CHRNA1: variants seen among roughly 807,000 people sequenced by gnomAD.
CHRNA1 encodes cholinergic receptor nicotinic alpha 1 subunit.
CHRNA1 carries 35 observed loss-of-function variants against 47.1 expected under a neutral mutation model. The observed-to-expected ratio is 0.74, with a 90% CI of 0.57 to 0.99. CHRNA1 has a LOEUF of 0.99. Ranked by LOEUF, CHRNA1 falls within the 50% of genes least tolerant of loss-of-function variation. The pLI, the probability that CHRNA1 is intolerant of heterozygous loss-of-function variation, is 0.00. For missense variants in CHRNA1, 506 were observed against 591.1 expected (o/e 0.86, Z 1.49); for synonymous variants, 229 against 223.6 (o/e 1.02, Z -0.22).
intron 6 of CHRNA1, among the ~76,000 whole-genome samples, chr2:174,751,070 A>ATC (rs1248428316): frequency 3.2e-4 from 49 of 152,318 alleles, no homozygotes; most frequent in Admixed American, 9.8e-4. Flanking sequence ...TGATCTTCTG[A>ATC]TACAGTGGTT....
chr2:174,748,784 G>GA lies in CHRNA1; in HGVS notation c.1037dup (p.Ser347LeufsTer21). 2 of 1,614,094 alleles carry GA rather than the reference G, an allele frequency of 1.2e-6. No homozygotes were observed. Among genetic ancestry groups the GA allele is most frequent in the South Asian group, 1.1e-5 (1 of 91,068 alleles). ...CTCTGGATGGTCTTTTCATTGTGGA[G>GA]AAAAACATGATATTTGGGATAGTGT... On this transcript the variant is annotated frameshift_variant, in exon 8 of 9. Coordinates refer to ENST00000348749, the MANE Select transcript of CHRNA1 (RefSeq NM_000079.4). LOFTEE classifies it high-confidence loss of function.
In CHRNA1 at chr2:174,747,874, T is replaced by C. The variant is rs1266896548; in HGVS notation, c.*250A>G. ...TTCCAGACACTGGAAATGAACACTT[T>C]TTTTAGTGATTAGTTTCATTTACTA... is the stretch of plus-strand genomic sequence containing the variant. On this transcript the variant is annotated 3_prime_UTR_variant, in exon 9 of 9. Coordinates refer to ENST00000348749, the MANE Select transcript of CHRNA1 (RefSeq NM_000079.4). The C allele has an allele frequency of 2.1e-6, 1 of 472,200 alleles. No homozygotes were observed. Among genetic ancestry groups the C allele is most frequent in the Non-Finnish European group, 3.8e-6 (1 of 260,458 alleles). The allele number at this position is 472,200 out of a possible 1,614,324, so 29.3% of individuals were successfully genotyped here.
At chr2:174,764,274 C>T (rs1203592094) in intron 1 of CHRNA1, 78 bp downstream of exon 1, 1 of 1,469,472 alleles carries the variant, frequency 6.8e-7, no homozygotes, top group Non-Finnish European at 9.4e-7. Context: ...ATCAAAGAAG[C>T]AAGACTTTGA....
intron 4 of CHRNA1, among the ~76,000 whole-genome samples, chr2:174,756,279 GTGTTAGAATAAGTGTTGAATGGGCAGGA>G (rs1553469605): frequency 1.3e-5 from 2 of 152,176 alleles, no homozygotes; most frequent in Non-Finnish European, 1.5e-5. Flanking sequence ...AGAGGGCAGG[GTGTTAGAATAAGTGTTGAATGGGCAGGA>G]TGAGGTCTGT....
At position 174,747,787 on chromosome 2, in the gene CHRNA1, A is replaced by G; in HGVS notation, c.*337T>C. 1 of 325,818 alleles carries G rather than the reference A, an allele frequency of 3.1e-6. No individual in the cohort carries two copies. Among genetic ancestry groups the G allele is most frequent in the East Asian group, 7.8e-5 (1 of 12,832 alleles). The allele number at this position is 325,818 out of a possible 1,614,324, so 20.2% of individuals were successfully genotyped here. A position where few individuals can be genotyped will look rare whatever the true frequency, so the allele number is the denominator to read the frequency against. ...TCTCGTGGTTAGACAAAATAAGTAA[A>G]TATATAAATATAACAGCAATGACAA... On this transcript the variant is annotated 3_prime_UTR_variant, in exon 9 of 9. Transcript: ENST00000348749.
At chr2:174,750,291 C>T (rs775015029) in intron 6 of CHRNA1, 122 bp from the exon 7 acceptor site, 1 of 758,010 alleles carries the variant, frequency 1.3e-6, no homozygotes, top group African/African-American at 1.8e-5. Flanking sequence ...AAGAATGTGA[C>T]TGTATTTGAA....
chr2:174,750,277 A>G, intron 6 of CHRNA1, 108 bp from the exon 7 acceptor site: 1 of 825,716 alleles, frequency 1.2e-6, no homozygotes, highest in South Asian at 1.5e-5. Context: ...GAGTCCTGGG[A>G]CCTAAGAATG....
intron 4 of CHRNA1, among the ~76,000 whole-genome samples, chr2:174,756,291 G>C (rs1343983122): frequency 1.3e-5 from 2 of 152,200 alleles, no homozygotes; most frequent in African/African-American, 4.8e-5. Context: ...GTTAGAATAA[G>C]TGTTGAATGG....
chr2:174,758,947 C>T (rs1216193878), intron 3 of CHRNA1, among the ~76,000 whole-genome samples: 34 of 151,878 alleles, frequency 2.2e-4, no homozygotes, highest in Admixed American at 1.9e-3. Context: ...ACAAGAAGAA[C>T]GCCATCTGAA....
chr2:174,753,453 G>T (rs755402316), intron 6 of CHRNA1, 50 bp downstream of exon 6: 6 of 1,523,814 alleles, frequency 3.9e-6, no homozygotes, highest in Non-Finnish European at 5.5e-6. Context: ...CAAAATAGCA[G>T]CACGAGACCC....
intron 3 of CHRNA1, among the ~76,000 whole-genome samples, chr2:174,758,184 G>A (rs1262159665): frequency 6.6e-6 from 1 of 152,178 alleles, no homozygotes; most frequent in African/African-American, 2.4e-5. Flanking sequence ...TGAGGTGGGT[G>A]GATCACCTGA....
At chr2:174,756,843 C>T (rs1243465981) in intron 4 of CHRNA1, among the ~76,000 whole-genome samples, 3 of 152,090 alleles carry the variant, frequency 2.0e-5, no homozygotes, top group Non-Finnish European at 2.9e-5. Context: ...AATGTCAGAC[C>T]ATAAATCCTC....
Position 174,757,644 on chromosome 2 carries a change from G to A in CHRNA1, c.266C>T (p.Pro89Leu). The change falls in exon 4 of 9, where the codon CCA becomes CTA. Residue 89 changes from proline (P) to leucine (L), a missense_variant. Pro to Leu is a moderately conservative substitution (Grantham distance 98). Transcript: ENST00000348749. ...QWVDYNLKWNPDDYGGVKKIH... is the reference protein window; with the variant it reads ...QWVDYNLKWNLDDYGGVKKIH... ...TTTTTTCACACCGCCATAGTCATCTGGATTCCATTTTAGGTTGTAATCCAC... is the reference window on the plus strand; with the variant it reads ...TTTTTTCACACCGCCATAGTCATCTAGATTCCATTTTAGGTTGTAATCCAC... 6.2e-7 allele frequency: 1 copy of A among 1,614,054 alleles called. No homozygotes were observed. The highest frequency in any genetic ancestry group is 8.5e-7 in the Non-Finnish European group (1 of 1,179,984).
At position 174,756,581 on chromosome 2, in the gene CHRNA1, T is replaced by C. The variant is rs181402252; in HGVS notation, c.344+985A>G. On this transcript the variant is annotated intron_variant, in intron 4 of 8. Transcript: ENST00000348749. ...TGGCAAAAGAACCAAAGGATTTTAA[T>C]TGCTCTTCTCAGATTCCTACTGGAA... Among the ~76,000 whole-genome samples, 1,133 of 152,340 alleles carry C rather than the reference T, an allele frequency of 7.4e-3. 11 individuals carry two copies. The highest frequency in any genetic ancestry group is 0.026 in the African/African-American group (1,077 of 41,572).
rs137852809 is a variant in CHRNA1 at position 174,753,595 on chromosome 2, C to T, written c.686G>A (p.Arg229His). 3.3e-5 allele frequency: 54 copies of T among 1,613,916 alleles called. 1 individual carries two copies. In the Middle Eastern group the frequency reaches 1.2e-3, roughly 34 times the overall value. Residue 229 changes from arginine to histidine, a missense_variant, in exon 6 of 9, where the codon CGC becomes CAC. Physicochemically the swap from Arg to His is conservative, Grantham distance 29. Coordinates refer to ENST00000348749, the MANE Select transcript of CHRNA1 (RefSeq NM_000079.4). ...LDITYHFVMQ[R>H]LPLYFIVNVI... Reference sequence around the variant, plus strand: ...GTTGACGATGAAGTAGAGGGGCAGGCGCTGCATGACGAAGTGGTAGGTGAT... The same window carrying T: ...GTTGACGATGAAGTAGAGGGGCAGGTGCTGCATGACGAAGTGGTAGGTGAT...
In CHRNA1 at chr2:174,748,607, G is replaced by T; in HGVS notation, c.1215C>A (p.Thr405=). Residue 405 remains threonine, a synonymous_variant, in exon 8 of 9, where the codon ACC becomes ACA. Transcript: ENST00000348749. Reference sequence around the variant, plus strand: ...TGTTAGACTCCTGGTCTGACTTCATGGTCTCTGCGATGTACTTGATGCCCT... The same window carrying T: ...TGTTAGACTCCTGGTCTGACTTCATTGTCTCTGCGATGTACTTGATGCCCT... The part of the protein sequence containing the change: ...AIEGIKYIAE[T]MKSDQESNNA... The T allele has an allele frequency of 1.2e-6, 2 of 1,613,282 alleles. No homozygotes were observed. Among genetic ancestry groups the T allele is most frequent in the Non-Finnish European group, 1.7e-6 (2 of 1,179,326 alleles).
At chr2:174,752,368 G>C (rs962200298) in intron 6 of CHRNA1, among the ~76,000 whole-genome samples, 1 of 152,122 alleles carries the variant, frequency 6.6e-6, no homozygotes, top group Admixed American at 6.5e-5. Flanking sequence ...CCAGGAGTTC[G>C]AGACTGGCCT....
chr2:174,759,709 GAA>G, intron 1 of CHRNA1, 76 bp from the exon 2 acceptor site: 6 of 1,586,126 alleles, frequency 3.8e-6, no homozygotes, highest in Non-Finnish European at 5.1e-6. Context: ...AGGAACTGAG[GAA>G]CTGAGGCATA....
intron 7 of CHRNA1, among the ~76,000 whole-genome samples, chr2:174,749,632 G>T (rs536764540): frequency 3.9e-5 from 6 of 152,202 alleles, no homozygotes; most frequent in African/African-American, 1.4e-4. Flanking sequence ...ACATACAAAA[G>T]AAATCGCGAG....
Sources: allele counts gnomAD v4.1 joint callset (sites outside exome capture counted in the v4.1 genomes callset), GRCh38; gene constraint gnomAD v4.1.1; transcripts MANE v1.5; gene names NCBI Gene and HGNC (gene_info 2026-07-23, HGNC 2026-07-21).